The following NPR3 variants were observed in gnomAD, a reference collection of about 807,000 sequenced individuals.
NPR3 encodes the protein atrial natriuretic peptide receptor 3.
Under a neutral mutation model 54.5 loss-of-function variants are expected in NPR3, and 34 were observed. The ratio of observed to expected loss-of-function variants is 0.62; its 90% CI spans 0.47 to 0.83. The LOEUF (loss-of-function observed/expected upper bound fraction) is 0.83. NPR3 is among the 40% of genes least tolerant of loss of function. The pLI is 0.00. For synonymous variants in NPR3, 289 were observed against 297.1 expected, an observed-to-expected ratio of 0.97 and a Z score of 0.28; for missense variants, 674 against 720.8, an observed-to-expected ratio of 0.94 and a Z score of 0.74.
Position 32,712,283 on chromosome 5 carries a change from T to C in NPR3, c.507T>C (p.Ser169=). ...CCGCTGGCTTCCAGCACAAGGACTC[T>C]GAGTACTCGCACCTCACGCGCGTGG... The part of the protein sequence containing the change: ...ALAAGFQHKD[S]EYSHLTRVAP... The change falls in exon 1 of 8, where the codon TCT becomes TCC. Residue 169 remains serine, a synonymous_variant. Transcript: ENST00000265074. 6.2e-7 allele frequency: 1 copy of C among 1,613,120 alleles called. No individual in the cohort carries two copies. The highest frequency in any genetic ancestry group is 8.5e-7 in the Non-Finnish European group (1 of 1,179,788).
intron 3 of NPR3, among the ~76,000 whole-genome samples, chr5:32,766,099 G>A (rs993775281): frequency 2.0e-5 from 3 of 152,238 alleles, no homozygotes; most frequent in African/African-American, 7.2e-5. Flanking sequence ...GCCAGAGGAT[G>A]GCGGGGGTGC....
chr5:32,702,781 A>T (rs907511652), intron 1 of NPR3, among the ~76,000 whole-genome samples: 21 of 152,202 alleles, frequency 1.4e-4, no homozygotes, highest in African/African-American at 4.8e-4. Flanking sequence ...ATACCCAGTA[A>T]TGGGATGGCT....
chr5:32,781,462 G>A (rs1057173737), intron 5 of NPR3, among the ~76,000 whole-genome samples: 6 of 97,168 alleles, frequency 6.2e-5, no homozygotes, highest in African/African-American at 1.1e-4. Context: ...TTCCTTGATC[G>A]CTGGCTCCCA....
In NPR3 at chr5:32,789,410, G is replaced by T. The variant is rs758241911; in HGVS notation, c.*3065G>T. 1.9e-6 allele frequency: 1 copy of T among 521,302 alleles called. No individual in the cohort carries two copies. Among genetic ancestry groups the T allele is most frequent in the Non-Finnish European group, 3.9e-6 (1 of 254,476 alleles). 32.3% of individuals were successfully genotyped at this position (521,302 alleles called of 1,614,324 possible). A position where few individuals can be genotyped will look rare whatever the true frequency, so the allele number is the denominator to read the frequency against. ...GACTGACCACAGGTTTCATGAGAAG[G>T]TCCCTGAAAACATCACATTTCTCTG... is the stretch of plus-strand genomic sequence containing the variant. On this transcript the variant is annotated 3_prime_UTR_variant, in exon 8 of 8. Coordinates refer to ENST00000265074, the MANE Select transcript of NPR3 (RefSeq NM_001204375.2).
chr5:32,774,773 A>G lies in NPR3; in HGVS notation c.1125A>G (p.Val375=). The G allele has an allele frequency of 3.1e-6, 5 of 1,602,644 alleles. No individual in the cohort carries two copies. The highest frequency in any genetic ancestry group is 1.7e-6 in the Non-Finnish European group (2 of 1,169,508). Residue 375 remains valine, a synonymous_variant, in exon 4 of 8, where the codon GTA becomes GTG. Coordinates refer to ENST00000265074, the MANE Select transcript of NPR3 (RefSeq NM_001204375.2). The part of the protein sequence containing the change: ...ILLYVLALHE[V]LRAGYSKKDG... Reference sequence around the variant, plus strand: ...TCTACGTCTTGGCTCTACATGAAGTACTCAGAGCTGGTTACAGCAAAAAGG... The same window carrying G: ...TCTACGTCTTGGCTCTACATGAAGTGCTCAGAGCTGGTTACAGCAAAAAGG...
chr5:32,782,920 G>A lies in NPR3; in HGVS notation c.1318G>A (p.Gly440Ser), dbSNP rs1561134523. 1.2e-6 allele frequency: 2 copies of A among 1,611,808 alleles called. No homozygotes were observed. The highest frequency in any genetic ancestry group is 2.2e-5 in the East Asian group (1 of 44,844). The change falls in exon 6 of 8, where the codon GGT becomes AGT. Residue 440 changes from glycine to serine, a missense_variant. Gly to Ser is a moderately conservative substitution (Grantham distance 56). Coordinates refer to ENST00000265074, the MANE Select transcript of NPR3 (RefSeq NM_001204375.2). ...TATTGGTGATTATTTTGGAAAAGAA[G>A]GTCGTTTTGAAATGCGGCCGAATGT... is the stretch of plus-strand genomic sequence containing the variant. ...EVIGDYFGKE[G>S]RFEMRPNVKY...
At chr5:32,765,405 T>G (rs1440052627) in intron 3 of NPR3, among the ~76,000 whole-genome samples, 2 of 152,210 alleles carry the variant, frequency 1.3e-5, no homozygotes, top group Admixed American at 1.3e-4. Context: ...TTTCTTCCCC[T>G]AGCTTATAGA....
intron 1 of NPR3, among the ~76,000 whole-genome samples, chr5:32,703,811 C>T (rs926146347): frequency 4.6e-5 from 7 of 152,174 alleles, no homozygotes; most frequent in Non-Finnish European, 1.0e-4. Flanking sequence ...AGCTGCACTG[C>T]CTGGGGTTGG....
intron 3 of NPR3, among the ~76,000 whole-genome samples, chr5:32,765,019 T>G (rs1741378077): frequency 6.6e-6 from 1 of 152,116 alleles, no homozygotes; most frequent in South Asian, 2.1e-4. Context: ...GCTTTTTTCT[T>G]TTTTTTATAG....
At chr5:32,709,408 T>TC (rs1738095464), upstream of NPR3, 1 of 131,214 alleles carries the variant, frequency 7.6e-6, no homozygotes, top group Non-Finnish European at 1.6e-5. Context: ...TTGTTCTTTT[T>TC]CTTTTTTTTT....
rs545827249 is a variant in NPR3, at chr5:32,713,462, A to C, written c.769+917A>C. 1.1e-4 allele frequency: 105 copies of C among 985,358 alleles called. No individual in the cohort carries two copies. In the African/African-American group the frequency reaches 1.6e-3, roughly 15 times the overall value. The allele number at this position is 985,358 out of a possible 1,614,324, so 61.0% of individuals were successfully genotyped here. ...TAGGGTAGAATCTGAGGGAAGGCGGACTGAGATGCCGGTATAGCGCCGATC... is the reference window on the plus strand; with the variant it reads ...TAGGGTAGAATCTGAGGGAAGGCGGCCTGAGATGCCGGTATAGCGCCGATC... On this transcript the variant is annotated intron_variant, in intron 1 of 7. Transcript: ENST00000265074.
At chr5:32,770,493 C>T (rs1741700605) in intron 3 of NPR3, among the ~76,000 whole-genome samples, 1 of 152,054 alleles carries the variant, frequency 6.6e-6, no homozygotes, top group Non-Finnish European at 1.5e-5. Context: ...CGAGAGTTAG[C>T]GCCCTCTTGT....
intron 1 of NPR3, among the ~76,000 whole-genome samples, chr5:32,722,590 C>T (rs1261710867): frequency 1.3e-5 from 2 of 152,170 alleles, no homozygotes; most frequent in Non-Finnish European, 2.9e-5. Context: ...ACTATGATCA[C>T]TTGATCGAAA....
chr5:32,785,720 G>A (rs60614750), intron 7 of NPR3, among the ~76,000 whole-genome samples: 1,810 of 152,298 alleles, frequency 0.012, 36 homozygotes, highest in African/African-American at 0.041. Context: ...TAATGTACGT[G>A]TGTGCACTGG....
chr5:32,770,028 T>TA (rs974099846), intron 3 of NPR3, among the ~76,000 whole-genome samples: 10 of 152,232 alleles, frequency 6.6e-5, no homozygotes, highest in African/African-American at 2.4e-4. Flanking sequence ...ATAGAGGATC[T>TA]AAAAAAACAC....
intron 7 of NPR3, among the ~76,000 whole-genome samples, chr5:32,785,659 C>G (rs1051749451): frequency 6.6e-6 from 1 of 152,152 alleles, no homozygotes; most frequent in African/African-American, 2.4e-5. Context: ...CTGGAGAGCC[C>G]ACATGCTCAT....
At chr5:32,778,791 G>C (rs556150851) in intron 4 of NPR3, among the ~76,000 whole-genome samples, 53 of 152,260 alleles carry the variant, frequency 3.5e-4, no homozygotes, top group Non-Finnish European at 3.7e-4. Context: ...ATAGCTTAAA[G>C]GTATAATGAG....
At position 32,771,092 on chromosome 5, in the gene NPR3, C is replaced by T. The variant is rs1157170732; in HGVS notation, c.1060-3616C>T. Among the ~76,000 whole-genome samples the T allele has an allele frequency of 3.3e-5, 5 of 151,170 alleles. No individual in the cohort carries two copies. In the East Asian group the frequency reaches 5.8e-4, roughly 18 times the overall value. ...CTTATTTTTTTCTTAATTTGCACGT[C>T]GAATTTTCAGTGTCTACAATGTGCT... On this transcript the variant is annotated intron_variant, in intron 3 of 7. Transcript: ENST00000265074.
intron 2 of NPR3, among the ~76,000 whole-genome samples, chr5:32,731,149 G>A (rs750612468): frequency 2.0e-5 from 3 of 152,160 alleles, no homozygotes; most frequent in Non-Finnish European, 2.9e-5. Context: ...ATGACTTATT[G>A]CTGGTGATGT....
Sources: gnomAD v4.1 joint callset for allele counts (sites outside exome capture counted in the v4.1 genomes callset) on GRCh38, gnomAD v4.1.1 for gene constraint, MANE v1.5 for transcripts, NCBI Gene and HGNC (gene_info 2026-07-23, HGNC 2026-07-21) for gene names.